Variants in OR1J2 observed in about 807,000 individuals in gnomAD.
OR1J2 encodes the protein olfactory receptor family 1 subfamily J member 2, also known as olfactory receptor 1J2.
For synonymous variants in OR1J2, 142 were observed against 99.7 expected, an observed-to-expected ratio of 1.42 and a Z score of -2.52; for missense variants, 304 against 246.1, an observed-to-expected ratio of 1.24 and a Z score of -1.57.
chr9:122,487,916 A>AT, the OR1J2 span, among the ~76,000 whole-genome samples: 1 of 152,172 alleles, frequency 6.6e-6, no homozygotes, highest in Non-Finnish European at 1.5e-5. Flanking sequence ...CATCTATAAG[A>AT]TTTTTTAAGC....
chr9:122,551,799 C>T, the OR1J2 span, among the ~76,000 whole-genome samples: 1 of 152,054 alleles, frequency 6.6e-6, no homozygotes, highest in Admixed American at 6.6e-5. Flanking sequence ...GCCTTTATAA[C>T]CTTAAGAGAT....
chr9:122,520,151 C>A, the OR1J2 span: 2 of 1,149,928 alleles, frequency 1.7e-6, no homozygotes, highest in Non-Finnish European at 2.5e-6. Flanking sequence ...TACTTCTGAT[C>A]CCAGCAAGGG....
At chr9:122,535,194 C>T in the OR1J2 span, among the ~76,000 whole-genome samples, 34 of 151,490 alleles carry the variant, frequency 2.2e-4, no homozygotes, top group East Asian at 5.9e-4. Flanking sequence ...AATAAAGGGT[C>T]GGGGTGCAGA....
At chr9:122,458,900 C>G in the OR1J2 span, among the ~76,000 whole-genome samples, 12 of 151,530 alleles carry the variant, frequency 7.9e-5, no homozygotes, top group East Asian at 1.7e-3. Flanking sequence ...TGAATATGTT[C>G]CAACATTTCA....
the OR1J2 span, among the ~76,000 whole-genome samples, chr9:122,485,046 A>G: frequency 6.6e-6 from 1 of 152,096 alleles, no homozygotes; most frequent in African/African-American, 2.4e-5. Context: ...CACAAAAAAC[A>G]GTGTGCAGAA....
chr9:122,541,919 A>T, the OR1J2 span, among the ~76,000 whole-genome samples: 1 of 152,232 alleles, frequency 6.6e-6, no homozygotes, highest in Admixed American at 6.6e-5. Flanking sequence ...GTATACACCA[A>T]TGTAAACACC....
At chr9:122,467,184 C>T in the OR1J2 span, among the ~76,000 whole-genome samples, 1 of 152,154 alleles carries the variant, frequency 6.6e-6, no homozygotes, top group Admixed American at 6.5e-5. Flanking sequence ...TCCTTAATCC[C>T]CCTAGCCTCA....
the OR1J2 span, among the ~76,000 whole-genome samples, chr9:122,577,340 G>A: frequency 5.9e-5 from 9 of 152,116 alleles, 2 homozygotes; most frequent in Non-Finnish European, 2.9e-5. Context: ...CAAATTTAAG[G>A]GCTTACAATA....
At chr9:122,483,507 T>A in the OR1J2 span, among the ~76,000 whole-genome samples, 4 of 152,204 alleles carry the variant, frequency 2.6e-5, no homozygotes, top group Non-Finnish European at 5.9e-5. Context: ...TCGTGTAATA[T>A]ATCAATTAAA....
At chr9:122,510,586 A>G (rs1828612339), upstream of OR1J2, among the ~76,000 whole-genome samples, 1 of 152,030 alleles carries the variant, frequency 6.6e-6, no homozygotes, top group Admixed American at 6.5e-5. Flanking sequence ...TGCTGTACCT[A>G]TCATCCCATC....
At chr9:122,490,071 A>G in the OR1J2 span, among the ~76,000 whole-genome samples, 6 of 152,190 alleles carry the variant, frequency 3.9e-5, no homozygotes, top group African/African-American at 1.2e-4. Context: ...ATCTGATAAC[A>G]TAAGTCCAGT....
In OR1J2 at chr9:122,511,068, C is replaced by A; in HGVS notation, c.267C>A (p.Tyr89Ter). 1 of 1,315,824 alleles carries A rather than the reference C, an allele frequency of 7.6e-7. No homozygotes were observed. The highest frequency in any genetic ancestry group is 1.1e-6 in the Non-Finnish European group (1 of 920,324). 81.5% of individuals were successfully genotyped at this position (1,315,824 alleles called of 1,614,324 possible). The part of the protein sequence containing the change: ...PKMLMDMRTK[Y>*]KSILYEECIS... ...TGCTGATGGACATGCGGACTAAGTA[C>A]AAATCGATCCTCTATGAGGAATGCA... Residue 89 changes from tyrosine (Y) to a stop codon, truncating the protein, a stop_gained, in exon 1 of 1, where the codon TAC becomes TAA. Coordinates refer to ENST00000335302, the MANE Select transcript of OR1J2 (RefSeq NM_054107.1). LOFTEE classifies it low-confidence loss of function (END_TRUNC).
the OR1J2 span, among the ~76,000 whole-genome samples, chr9:122,452,509 T>A: frequency 6.6e-6 from 1 of 152,184 alleles, no homozygotes; most frequent in African/African-American, 2.4e-5. Flanking sequence ...ACATGGCAAT[T>A]ATTCCTTCCC....
chr9:122,546,058 A>G, the OR1J2 span, among the ~76,000 whole-genome samples: 1 of 152,074 alleles, frequency 6.6e-6, no homozygotes, highest in Non-Finnish European at 1.5e-5. Context: ...TGTCGCTTAC[A>G]TTCTCAGGTC....
the OR1J2 span, chr9:122,566,973 T>C: frequency 4.6e-5 from 7 of 150,868 alleles, no homozygotes; most frequent in African/African-American, 7.3e-5. Context: ...TAAAAGTAAA[T>C]AAAACTACAG....
the OR1J2 span, among the ~76,000 whole-genome samples, chr9:122,535,595 C>T: frequency 8.6e-5 from 13 of 151,992 alleles, no homozygotes; most frequent in African/African-American, 1.9e-4. Context: ...AAAAAGAGGC[C>T]GCTTACCGGA....
downstream of OR1J2, among the ~76,000 whole-genome samples, chr9:122,513,722 G>A (rs1015792250): frequency 1.3e-5 from 2 of 151,810 alleles, no homozygotes. Flanking sequence ...GCCCTGGTGT[G>A]TGATGTTCCC....
At chr9:122,535,902 A>T in the OR1J2 span, among the ~76,000 whole-genome samples, 3 of 152,260 alleles carry the variant, frequency 2.0e-5, no homozygotes, top group East Asian at 5.8e-4. Flanking sequence ...AGGTAAAGGA[A>T]AAAGGGGTGT....
chr9:122,454,546 G>GTA, the OR1J2 span, among the ~76,000 whole-genome samples: 1 of 151,906 alleles, frequency 6.6e-6, no homozygotes, highest in Non-Finnish European at 1.5e-5. Context: ...TCCTTTCCAG[G>GTA]TATTATTTCC....
Sources: allele counts gnomAD v4.1 joint callset (sites outside exome capture counted in the v4.1 genomes callset), GRCh38; gene constraint gnomAD v4.1.1; transcripts MANE v1.5; gene names NCBI Gene and HGNC (gene_info 2026-07-23, HGNC 2026-07-21).